Variants in APOD observed in about 807,000 individuals in gnomAD.
APOD encodes the protein apolipoprotein D, also known as apo-D.
Under a neutral mutation model 20.4 loss-of-function variants are expected in APOD, and 22 were observed. The observed-to-expected ratio is 1.08, with a 90% confidence interval of 0.77 to 1.54. The LOEUF (loss-of-function observed/expected upper bound fraction) is 1.54. Ranked by LOEUF, APOD falls within the 40% of genes most tolerant of loss-of-function variation. APOD has a pLI of 0.00. For synonymous variants in APOD, 97 were observed against 92.4 expected, an observed-to-expected ratio of 1.05 and a Z score of -0.29; for missense variants, 223 against 229.6, an observed-to-expected ratio of 0.97 and a Z score of 0.19.
rs1553889294 is a variant in APOD, at chr3:195,568,831, T to TCG, written c.*68_*69insCG. 1 of 896,788 alleles carries TCG rather than the reference T, an allele frequency of 1.1e-6. No individual in the cohort carries two copies. The highest frequency in any genetic ancestry group is 2.5e-5 in the African/African-American group (1 of 40,012). 55.6% of individuals were successfully genotyped at this position (896,788 alleles called of 1,614,324 possible). ...GTCGTGGTTGATTGGTTTGTCTTTA[T>TCG]GGGGGGGGGGTAGGGGAAAGCGAAG... On this transcript the variant is annotated 3_prime_UTR_variant, in exon 5 of 5. Transcript: ENST00000343267.
chr3:195,578,367 C>T (rs1404793038), intron 2 of APOD, among the ~76,000 whole-genome samples: 2 of 152,070 alleles, frequency 1.3e-5, no homozygotes, highest in African/African-American at 4.8e-5. Flanking sequence ...TCCCACCCAG[C>T]GTCCCCTCAG....
chr3:195,574,036 T>G (rs1577603972), intron 2 of APOD, 65 bp from the exon 3 acceptor site: 3 of 1,592,786 alleles, frequency 1.9e-6, no homozygotes, highest in East Asian at 4.5e-5. Context: ...TCTTCCCCAT[T>G]GTCGTGCAGA....
intron 1 of APOD, among the ~76,000 whole-genome samples, chr3:195,581,686 C>T (rs536211631): frequency 6.6e-6 from 1 of 152,348 alleles, no homozygotes; most frequent in African/African-American, 2.4e-5. Context: ...TAACCCCCCA[C>T]CTCTGTGACC....
At chr3:195,578,013 A>G (rs1720274636) in intron 2 of APOD, among the ~76,000 whole-genome samples, 1 of 113,456 alleles carries the variant, frequency 8.8e-6, no homozygotes, top group African/African-American at 2.9e-5. Flanking sequence ...GATGATACTA[A>G]CAACAATGGA....
intron 2 of APOD, among the ~76,000 whole-genome samples, chr3:195,578,087 C>A (rs1018026405): frequency 1.3e-5 from 2 of 152,170 alleles, no homozygotes; most frequent in African/African-American, 4.8e-5. Context: ...AATAAAGCTG[C>A]TATTTTTTAA....
intron 2 of APOD, among the ~76,000 whole-genome samples, chr3:195,576,588 T>C (rs145144546): frequency 2.0e-3 from 297 of 152,188 alleles, no homozygotes; most frequent in African/African-American, 7.0e-3. Flanking sequence ...GGCGGGTGGA[T>C]CACTTGAGGT....
At chr3:195,581,254 T>C (rs1212045113) in intron 1 of APOD, among the ~76,000 whole-genome samples, 1 of 152,144 alleles carries the variant, frequency 6.6e-6, no homozygotes, top group Non-Finnish European at 1.5e-5. Flanking sequence ...TGAGCAAGTC[T>C]GCCACAGGGC....
rs751978912 is a variant in APOD at position 195,569,083 on chromosome 3, G to A, written c.387C>T (p.Ala129=). Reference sequence around the variant, plus strand: ...TGATGCAGGTACAGGAATACACGAGGGCATAGTTCTCATAGTCGGTGGCCA... The same window carrying A: ...TGATGCAGGTACAGGAATACACGAGAGCATAGTTCTCATAGTCGGTGGCCA... ...WILATDYENY[A]LVYSCTCIIQ... Residue 129 remains alanine (A), a synonymous_variant, in exon 5 of 5, where the codon GCC becomes GCT. Coordinates refer to ENST00000343267, the MANE Select transcript of APOD (RefSeq NM_001647.4). 5.2e-5 allele frequency: 84 copies of A among 1,614,120 alleles called. No homozygotes were observed. Among genetic ancestry groups the A allele is most frequent in the Middle Eastern group, 3.3e-4 (2 of 6,062 alleles).
intron 3 of APOD, among the ~76,000 whole-genome samples, chr3:195,573,130 C>T (rs967755456): frequency 1.1e-4 from 16 of 152,204 alleles, no homozygotes; most frequent in African/African-American, 3.6e-4. Context: ...CCCTTTTCAC[C>T]GTCAATTGCA....
chr3:195,583,134 G>A (rs1720370372), intron 1 of APOD: 1 of 152,120 alleles, frequency 6.6e-6, no homozygotes, highest in African/African-American at 2.4e-5. Flanking sequence ...CACCTCCTCT[G>A]GAGGCGACCT....
At chr3:195,583,476 G>T (rs4677693) in intron 1 of APOD, among the ~76,000 whole-genome samples, 131,403 of 152,292 alleles carry the variant, frequency 0.86, 57,230 homozygotes, top group East Asian at 0.99. Flanking sequence ...GCATTTTCTA[G>T]TCACACCATT....
rs1259293136 is a variant in APOD, at chr3:195,568,843, A to AGGGGGGGGG, written c.*56_*57insCCCCCCCCC. The AGGGGGGGGG allele has an allele frequency of 3.5e-6, 3 of 848,210 alleles. No homozygotes were observed. Among genetic ancestry groups the AGGGGGGGGG allele is most frequent in the African/African-American group, 4.7e-5 (2 of 42,334 alleles). 52.5% of individuals were successfully genotyped at this position (848,210 alleles called of 1,614,324 possible). On this transcript the variant is annotated 3_prime_UTR_variant, in exon 5 of 5. Coordinates refer to ENST00000343267, the MANE Select transcript of APOD (RefSeq NM_001647.4). ...TGGTTTGTCTTTATGGGGGGGGGGTAGGGGAAAGCGAAGCAGAAGTAACAT... is the reference window on the plus strand; with the variant it reads ...TGGTTTGTCTTTATGGGGGGGGGGTAGGGGGGGGGGGGGAAAGCGAAGCAGAAGTAACAT...
intron 3 of APOD, among the ~76,000 whole-genome samples, chr3:195,571,832 T>C (rs3773421): frequency 0.049 from 7,471 of 151,272 alleles, 557 homozygotes; most frequent in East Asian, 0.29. Flanking sequence ...CAGGCTGGAG[T>C]GCAGTGGTGC....
chr3:195,569,034 C>A lies in APOD; in HGVS notation c.436G>T (p.Ala146Ser), dbSNP rs1377308637. Residue 146 changes from alanine (A) to serine (S), a missense_variant, in exon 5 of 5, where the codon GCT becomes TCT. Transcript: ENST00000343267. ...TTAGGGTTTCTTGCCAAGATCCAAG[C>A]AAAATCCACGTGAAAAAGTTGGATG... is the stretch of plus-strand genomic sequence containing the variant. ...CIIQLFHVDF[A>S]WILARNPNLP... The A allele has an allele frequency of 3.7e-6, 6 of 1,614,024 alleles. No individual in the cohort carries two copies. In the African/African-American group the frequency reaches 8.0e-5, roughly 22 times the overall value.
At chr3:195,577,036 A>C (rs1341518627) in intron 2 of APOD, 9 of 222,626 alleles carry the variant, frequency 4.0e-5, no homozygotes, top group Non-Finnish European at 7.4e-5. Context: ...ATACAAAAAA[A>C]CTTTGCTGGG....
chr3:195,569,989 C>T (rs951450307), intron 4 of APOD, among the ~76,000 whole-genome samples: 1 of 151,796 alleles, frequency 6.6e-6, no homozygotes, highest in Non-Finnish European at 1.5e-5. Flanking sequence ...TTAGTAGAGA[C>T]AGGGTTTCAC....
intron 4 of APOD, among the ~76,000 whole-genome samples, chr3:195,569,742 A>G (rs1577601417): frequency 8.0e-6 from 1 of 124,830 alleles, no homozygotes; most frequent in South Asian, 2.7e-4. Context: ...CTTCATGTAC[A>G]CTCCCAGGCT....
At chr3:195,578,651 T>C (rs1012836616) in intron 2 of APOD, among the ~76,000 whole-genome samples, 14 of 152,036 alleles carry the variant, frequency 9.2e-5, no homozygotes, top group Admixed American at 7.9e-4. Context: ...TTGGTGCAGA[T>C]ACCAAGAAAG....
intron 4 of APOD, among the ~76,000 whole-genome samples, chr3:195,569,874 A>G (rs1054102849): frequency 1.1e-4 from 15 of 132,262 alleles, no homozygotes; most frequent in Non-Finnish European, 2.0e-4. Context: ...ATCTCAGCTC[A>G]CTGCAACCTC....
Sources: gnomAD v4.1 joint callset for allele counts (sites outside exome capture counted in the v4.1 genomes callset) on GRCh38, gnomAD v4.1.1 for gene constraint, MANE v1.5 for transcripts, NCBI Gene and HGNC (gene_info 2026-07-23, HGNC 2026-07-21) for gene names.